The following ALMS1 variants were observed in gnomAD, a reference collection of about 807,000 sequenced individuals.
The protein encoded by ALMS1 is ALMS1 centrosome and basal body associated protein.
Under a neutral mutation model 352.2 loss-of-function variants are expected in ALMS1, and 271 were observed. That is an observed-to-expected ratio of 0.77 (90% CI 0.70 to 0.85). ALMS1 has a LOEUF of 0.85. Ranked by LOEUF, ALMS1 falls within the 40% of genes least tolerant of loss-of-function variation. The pLI is 0.00. For synonymous variants in ALMS1, 1,865 were observed against 1,761.2 expected, an observed-to-expected ratio of 1.06 and a Z score of -1.48; for missense variants, 5,445 against 4,870.7, an observed-to-expected ratio of 1.12 and a Z score of -3.51.
intron 12 of ALMS1, among the ~76,000 whole-genome samples, chr2:73,538,736 T>C (rs1674088811): frequency 6.6e-6 from 1 of 152,194 alleles, no homozygotes; most frequent in Non-Finnish European, 1.5e-5. Context: ...CAGGAGATTA[T>C]ATCCCGCACC....
chr2:73,430,611 A>G (rs1305651579), intron 6 of ALMS1, among the ~76,000 whole-genome samples: 1 of 152,216 alleles, frequency 6.6e-6, no homozygotes, highest in Non-Finnish European at 1.5e-5. Flanking sequence ...GTCCCATAAG[A>G]TTAAAATACT....
At chr2:73,494,809 T>C (rs1487752758) in intron 10 of ALMS1, among the ~76,000 whole-genome samples, 2 of 152,246 alleles carry the variant, frequency 1.3e-5, no homozygotes, top group Non-Finnish European at 2.9e-5. Flanking sequence ...GGTTATTGTT[T>C]TTCCTTTGGA....
At chr2:73,436,122 T>C (rs1671600285) in intron 7 of ALMS1, among the ~76,000 whole-genome samples, 1 of 152,200 alleles carries the variant, frequency 6.6e-6, no homozygotes, top group Non-Finnish European at 1.5e-5. Context: ...GTGTTTTTAT[T>C]TCATCTTTTT....
chr2:73,457,960 G>A (rs1001530688), intron 9 of ALMS1: 2 of 146,294 alleles, frequency 1.4e-5, no homozygotes, highest in Non-Finnish European at 3.0e-5. Context: ...TTGAACCTGG[G>A]AGGTGGAGAT....
rs539529472 is a variant in ALMS1 at position 73,608,733 on chromosome 2, A to G, written c.12462+159A>G. 6.6e-5 allele frequency among the ~76,000 whole-genome samples: 10 copies of G among 152,360 alleles called. No individual in the cohort carries two copies. In the South Asian group the frequency reaches 8.3e-4, roughly 13 times the overall value. ...CCAGTGTTGAAATTTGGAAGAAGGC[A>G]TCTGTAATTAGACTTCAAATCAGGT... On this transcript the variant is annotated intron_variant, in intron 22 of 22. Transcript: ENST00000613296.
intron 2 of ALMS1, among the ~76,000 whole-genome samples, chr2:73,413,956 G>A (rs1299228760): frequency 5.9e-5 from 9 of 152,206 alleles, no homozygotes; most frequent in Admixed American, 1.3e-4. Context: ...ATCAGGTTGT[G>A]TGATTTTTCC....
At chr2:73,592,575 G>A (rs1675456034) in intron 16 of ALMS1, among the ~76,000 whole-genome samples, 1 of 152,086 alleles carries the variant, frequency 6.6e-6, no homozygotes, top group South Asian at 2.1e-4. Context: ...GTAAACCCAT[G>A]CCTCTAAAGG....
In ALMS1 at chr2:73,550,254, C is replaced by T. The variant is rs373325114; in HGVS notation, c.9908-13C>T. Reference sequence around the variant, plus strand: ...CTATTTGTGTTTTGTATTACTTCCCCGTTTTTCTGTAGGATCCAATGATGC... The same window carrying T: ...CTATTTGTGTTTTGTATTACTTCCCTGTTTTTCTGTAGGATCCAATGATGC... On this transcript the variant is annotated splice_polypyrimidine_tract_variant and intron_variant, in intron 12 of 22. Transcript: ENST00000613296. 1.5e-4 allele frequency: 241 copies of T among 1,613,718 alleles called. No homozygotes were observed. Among genetic ancestry groups the T allele is most frequent in the Non-Finnish European group, 1.8e-4 (217 of 1,179,902 alleles).
At chr2:73,542,321 C>G (rs959498769) in intron 12 of ALMS1, among the ~76,000 whole-genome samples, 1 of 152,260 alleles carries the variant, frequency 6.6e-6, no homozygotes, top group East Asian at 1.9e-4. Flanking sequence ...TTCAACAACC[C>G]TTCATGCTAA....
intron 10 of ALMS1, 121 bp from the exon 11 acceptor site, chr2:73,519,654 A>T: frequency 7.8e-7 from 1 of 1,280,276 alleles, no homozygotes; most frequent in African/African-American, 1.5e-5. Flanking sequence ...TTTGACATTG[A>T]TGTGTCCACA....
intron 21 of ALMS1, 47 bp downstream of exon 21, chr2:73,603,351 A>G (rs766185638): frequency 1.1e-5 from 17 of 1,581,160 alleles, no homozygotes; most frequent in Non-Finnish European, 1.1e-5. Context: ...AAACCAGGCC[A>G]CCAAGTGGTC....
rs1174023229 is a variant in ALMS1, at chr2:73,385,914, G to A, written c.46G>A (p.Glu16Lys). 1 of 825,628 alleles carries A rather than the reference G, an allele frequency of 1.2e-6. No homozygotes were observed. The highest frequency in any genetic ancestry group is 1.6e-5 in the South Asian group (1 of 64,354). 51.1% of individuals were successfully genotyped at this position (825,628 alleles called of 1,614,324 possible). The change falls in exon 1 of 23, where the codon GAG (glutamate) becomes AAG (lysine). Residue 16 changes from glutamate to lysine, a missense_variant. Coordinates refer to ENST00000613296, the MANE Select transcript of ALMS1 (RefSeq NM_001378454.1). ...LPWPGELEEE[E>K]EEEEEEEEEE... ...ATGGCCGGGCGAGCTGGAGGAGGAG[G>A]AGGAGGAGGAGGAGGAGGAGGAGGA... is the stretch of plus-strand genomic sequence containing the variant.
intron 16 of ALMS1, among the ~76,000 whole-genome samples, chr2:73,586,773 A>G (rs897524114): frequency 6.6e-6 from 1 of 152,134 alleles, no homozygotes; most frequent in Admixed American, 6.5e-5. Flanking sequence ...TGTTTTTTCT[A>G]GTTCTGCAAA....
intron 10 of ALMS1, among the ~76,000 whole-genome samples, chr2:73,500,228 C>T (rs1200927694): frequency 6.6e-6 from 1 of 152,150 alleles, no homozygotes; most frequent in Non-Finnish European, 1.5e-5. Context: ...AATGACCCAA[C>T]TAGTTTCAGG....
Position 73,490,396 on chromosome 2 carries a change from GA to G in ALMS1, c.8440del (p.Arg2814AspfsTer41). 1 of 1,614,040 alleles carries G rather than the reference GA, an allele frequency of 6.2e-7. No homozygotes were observed. Among genetic ancestry groups the G allele is most frequent in the Non-Finnish European group, 8.5e-7 (1 of 1,180,002 alleles). ...ERSFQEEKPL[E>X]RSDFTGSHSE... ...TTCTTTTCAAGAAGAAAAACCCTTA[GA>G]AAGATCAGATTTTACAGGCAGTCAT... On this transcript the variant is annotated frameshift_variant, in exon 10 of 23. Transcript: ENST00000613296. LOFTEE classifies it high-confidence loss of function.
At chr2:73,467,468 G>A (rs1484867090) in intron 9 of ALMS1, among the ~76,000 whole-genome samples, 1 of 152,072 alleles carries the variant, frequency 6.6e-6, no homozygotes, top group Non-Finnish European at 1.5e-5. Flanking sequence ...TATTGGTAAA[G>A]TTATGAAGCA....
At chr2:73,541,237 T>G (rs1372659966) in intron 12 of ALMS1, among the ~76,000 whole-genome samples, 4 of 152,216 alleles carry the variant, frequency 2.6e-5, no homozygotes, top group African/African-American at 4.8e-5. Context: ...ACCGCTCGAC[T>G]ACATGGAAAC....
chr2:73,495,166 C>T (rs377090737), intron 10 of ALMS1, among the ~76,000 whole-genome samples: 1 of 152,146 alleles, frequency 6.6e-6, no homozygotes, highest in Non-Finnish European at 1.5e-5. Flanking sequence ...AGGTTGGCTC[C>T]TGTACCCTGC....
At chr2:73,576,962 T>C (rs1675067705) in intron 16 of ALMS1, among the ~76,000 whole-genome samples, 1 of 152,180 alleles carries the variant, frequency 6.6e-6, no homozygotes. Context: ...TGTATATTTA[T>C]TGATAATCAT....
Sources: gnomAD v4.1 joint callset for allele counts (sites outside exome capture counted in the v4.1 genomes callset) on GRCh38, gnomAD v4.1.1 for gene constraint, MANE v1.5 for transcripts, NCBI Gene and HGNC (gene_info 2026-07-23, HGNC 2026-07-21) for gene names.